The following HMGN5 variants were observed in gnomAD, a reference collection of about 807,000 sequenced individuals.
HMGN5 encodes the protein high mobility group nucleosome binding domain 5.
Under a neutral mutation model 9.5 loss-of-function variants are expected in HMGN5, and 4 were observed. The observed-to-expected ratio is 0.42, with a 90% CI of 0.21 to 0.96. HMGN5 has a LOEUF of 0.96. Among genes scored for constraint, HMGN5 ranks in the 40% least tolerant of loss-of-function variants. The pLI is 0.30. For missense variants in HMGN5, 192 were observed against 187.5 expected (o/e 1.02, Z -0.14); for synonymous variants, 55 against 57.1 (o/e 0.96, Z 0.16).
At chrX:81,154,768 T>A (rs2075378204) in intron 1 of HMGN5, among the ~76,000 whole-genome samples, 1 of 110,583 alleles carries the variant, frequency 9.0e-6, no homozygotes, top group Admixed American at 9.7e-5. Flanking sequence ...TATGAAAAGG[T>A]GCTCAACATC....
intron 1 of HMGN5, among the ~76,000 whole-genome samples, chrX:81,145,982 G>A (rs2147557820): frequency 9.0e-6 from 1 of 111,146 alleles, no homozygotes; most frequent in Non-Finnish European, 1.9e-5. Flanking sequence ...CCCAAAACAG[G>A]AGCACCCAGA....
chrX:81,145,706 A>G (rs1355905061), intron 1 of HMGN5, among the ~76,000 whole-genome samples: 2 of 111,786 alleles, frequency 1.8e-5, no homozygotes, highest in Non-Finnish European at 3.8e-5. Context: ...CACAGGCTGA[A>G]GAATTGGTTA....
At chrX:81,180,965 T>A (rs1036120281) in intron 1 of HMGN5, among the ~76,000 whole-genome samples, 1 of 110,562 alleles carries the variant, frequency 9.0e-6, no homozygotes, top group Admixed American at 9.7e-5. Context: ...AACCAAACAC[T>A]GTATATTCTC....
chrX:81,119,658 C>G, intron 3 of HMGN5, 130 bp downstream of exon 3: 1 of 460,571 alleles, frequency 2.2e-6, no homozygotes, highest in Non-Finnish European at 3.7e-6. Context: ...TTTGAGAGAT[C>G]CCACTGGTAT....
intron 1 of HMGN5, among the ~76,000 whole-genome samples, chrX:81,171,370 T>C (rs2075425447): frequency 8.9e-6 from 1 of 111,768 alleles, no homozygotes; most frequent in Non-Finnish European, 1.9e-5. Flanking sequence ...TAAATATAAC[T>C]TTCTTTCAAA....
intron 6 of HMGN5, 148 bp from the exon 7 acceptor site, chrX:81,115,378 A>C (rs1399106975): frequency 3.2e-6 from 2 of 632,154 alleles, no homozygotes; most frequent in Non-Finnish European, 2.1e-6. Context: ...AAGCCTGCTA[A>C]ATATCACATT....
rs191468459 is a variant in HMGN5 at position 81,151,081 on chromosome X, G to T, written c.-123-29409C>A. Among the ~76,000 whole-genome samples, 10 of 111,494 alleles carry T rather than the reference G, an allele frequency of 9.0e-5. No homozygotes were observed. In the East Asian group the frequency reaches 2.5e-3, roughly 28 times the overall value. On this transcript the variant is annotated intron_variant, in intron 1 of 6. Coordinates refer to ENST00000358130, the MANE Select transcript of HMGN5 (RefSeq NM_030763.3). ...ATTCAAACTATTCTGATAAATTGAG[G>T]CACAAGGAATACTTCCAACCTCATT...
chrX:81,188,525 G>A (rs1427048043), intron 1 of HMGN5, among the ~76,000 whole-genome samples: 5 of 109,223 alleles, frequency 4.6e-5, no homozygotes, highest in Non-Finnish European at 9.5e-5. Context: ...CGTGCACAAC[G>A]TGCAGGTTTG....
chrX:81,129,791 G>A (rs561953765), intron 1 of HMGN5, among the ~76,000 whole-genome samples: 50 of 111,068 alleles, frequency 4.5e-4, no homozygotes, highest in East Asian at 2.3e-3. Flanking sequence ...TTCAGGTAAC[G>A]AAGTTGAGGC....
chrX:81,128,084 C>A (rs765603176), intron 1 of HMGN5, among the ~76,000 whole-genome samples: 19 of 109,974 alleles, frequency 1.7e-4, no homozygotes, highest in Non-Finnish European at 3.4e-4. Flanking sequence ...GTGTTCTTAC[C>A]TTCTAAGGAC....
At chrX:81,157,498 C>T (rs1454089905) in intron 1 of HMGN5, among the ~76,000 whole-genome samples, 1 of 111,270 alleles carries the variant, frequency 9.0e-6, no homozygotes. Flanking sequence ...ATGGTTAGGG[C>T]AGCATTATTC....
At chrX:81,140,673 C>T (rs1480800595) in intron 1 of HMGN5, among the ~76,000 whole-genome samples, 1 of 110,247 alleles carries the variant, frequency 9.1e-6, no homozygotes. Context: ...GGTACTACGT[C>T]AAGGCCTTGG....
chrX:81,142,138 G>GGT (rs1286276133), intron 1 of HMGN5, among the ~76,000 whole-genome samples: 1 of 110,993 alleles, frequency 9.0e-6, no homozygotes, highest in African/African-American at 3.3e-5. Flanking sequence ...TTGAGGACAG[G>GGT]GTATTCAAAA....
chrX:81,137,818 C>A (rs974801032), intron 1 of HMGN5, among the ~76,000 whole-genome samples: 1 of 111,186 alleles, frequency 9.0e-6, no homozygotes. Flanking sequence ...CTGACAAAAA[C>A]AAAAACAGAT....
At chrX:81,166,247 A>G (rs1299529618) in intron 1 of HMGN5, among the ~76,000 whole-genome samples, 2 of 111,634 alleles carry the variant, frequency 1.8e-5, no homozygotes, top group Non-Finnish European at 3.8e-5. Context: ...AAGGTAATTG[A>G]CTAATGGGAT....
intron 1 of HMGN5, among the ~76,000 whole-genome samples, chrX:81,166,966 G>A (rs1275563270): frequency 3.6e-5 from 4 of 111,092 alleles, no homozygotes; most frequent in Non-Finnish European, 5.7e-5. Flanking sequence ...CAACTTGCTC[G>A]TCTTGGAGAG....
intron 1 of HMGN5, among the ~76,000 whole-genome samples, chrX:81,166,581 A>G (rs2075411911): frequency 9.0e-6 from 1 of 111,442 alleles, no homozygotes; most frequent in Non-Finnish European, 1.9e-5. Context: ...GGAAAACAAA[A>G]GTTTCTGCCA....
chrX:81,183,690 G>T (rs781172659), intron 1 of HMGN5, among the ~76,000 whole-genome samples: 11 of 112,852 alleles, frequency 9.7e-5, no homozygotes, highest in Non-Finnish European at 1.3e-4. Context: ...CAGCATGGAG[G>T]GGAAATGAGG....
At chrX:81,122,218 G>A (rs1808804003) in intron 1 of HMGN5, among the ~76,000 whole-genome samples, 2 of 111,998 alleles carry the variant, frequency 1.8e-5, no homozygotes, top group Admixed American at 9.4e-5. Flanking sequence ...GCTGGCAAGA[G>A]GAGGGTGCCA....
Sources: allele counts gnomAD v4.1 joint callset (sites outside exome capture counted in the v4.1 genomes callset), GRCh38; gene constraint gnomAD v4.1.1; transcripts MANE v1.5; gene names NCBI Gene and HGNC (gene_info 2026-07-23, HGNC 2026-07-21).